PPP1R9A: variants seen among roughly 807,000 people sequenced by gnomAD.
The protein encoded by PPP1R9A is neurabin-1.
A neutral mutation model predicts 141.9 loss-of-function variants in PPP1R9A; 59 were observed. The observed-to-expected ratio is 0.42, with a 90% CI of 0.34 to 0.52. PPP1R9A has a LOEUF of 0.52. Ranked by LOEUF, PPP1R9A falls within the 20% of genes least tolerant of loss-of-function variation. The pLI, the probability that PPP1R9A is intolerant of heterozygous loss-of-function variation, is 0.10. For synonymous variants in PPP1R9A, 500 were observed against 569.7 expected (o/e 0.88, Z 1.74); for missense variants, 1,444 against 1,611.9 (o/e 0.90, Z 1.78).
intron 2 of PPP1R9A, among the ~76,000 whole-genome samples, chr7:95,015,587 T>G (rs767173278): frequency 6.6e-6 from 1 of 152,122 alleles, no homozygotes; most frequent in Non-Finnish European, 1.5e-5. Context: ...TTCATGGACC[T>G]GCTGAATAAT....
chr7:95,122,146 A>ATTTTT (rs1273220292), intron 4 of PPP1R9A, among the ~76,000 whole-genome samples: 43 of 133,906 alleles, frequency 3.2e-4, no homozygotes, highest in African/African-American at 1.0e-3. Flanking sequence ...CCAGAGCACC[A>ATTTTT]TTTTTTTTTT....
At chr7:95,136,490 T>C (rs967042323) in intron 4 of PPP1R9A, among the ~76,000 whole-genome samples, 2 of 152,164 alleles carry the variant, frequency 1.3e-5, no homozygotes, top group Admixed American at 6.5e-5. Flanking sequence ...AGATATAAAG[T>C]TAAAAATGGT....
chr7:94,924,551 C>T (rs933272498), intron 2 of PPP1R9A, among the ~76,000 whole-genome samples: 3 of 152,028 alleles, frequency 2.0e-5, no homozygotes, highest in African/African-American at 4.8e-5. Context: ...TTTTTTGAGA[C>T]GGAGTCTTGC....
At chr7:95,170,008 A>G (rs931014169) in intron 5 of PPP1R9A, among the ~76,000 whole-genome samples, 4 of 150,184 alleles carry the variant, frequency 2.7e-5, no homozygotes, top group Non-Finnish European at 6.0e-5. Context: ...TAAGGTAGCA[A>G]AAGGGCTGAG....
chr7:95,039,251 GA>G (rs1808868866), intron 2 of PPP1R9A, among the ~76,000 whole-genome samples: 1 of 152,122 alleles, frequency 6.6e-6, no homozygotes, highest in African/African-American at 2.4e-5. Flanking sequence ...GGCTATGTAA[GA>G]ATGGAGTCGA....
intron 2 of PPP1R9A, among the ~76,000 whole-genome samples, chr7:95,007,817 A>G (rs1803832027): frequency 6.6e-6 from 1 of 152,200 alleles, no homozygotes; most frequent in Non-Finnish European, 1.5e-5. Flanking sequence ...CACGCCTGTA[A>G]TACCAGCACT....
chr7:95,094,775 G>T (rs1035504149), intron 2 of PPP1R9A, among the ~76,000 whole-genome samples: 6 of 150,494 alleles, frequency 4.0e-5, no homozygotes, highest in Non-Finnish European at 5.9e-5. Context: ...AGCTACTTGG[G>T]AGGCTGAGGC....
chr7:94,980,143 T>A (rs1300836818), intron 2 of PPP1R9A, among the ~76,000 whole-genome samples: 2 of 148,492 alleles, frequency 1.3e-5, no homozygotes, highest in African/African-American at 5.0e-5. Context: ...AGAATCGCCT[T>A]GGGCCACACA....
Position 95,269,473 on chromosome 7 carries a change from C to T in PPP1R9A, c.3090C>T (p.His1030=). 1 of 1,582,660 alleles carries T rather than the reference C, an allele frequency of 6.3e-7. No individual in the cohort carries two copies. Among genetic ancestry groups the T allele is most frequent in the Non-Finnish European group, 8.6e-7 (1 of 1,167,268 alleles). The stretch of plus-strand genomic sequence containing the variant: ...ATGTGGAAGAATCTCCTTGCCATCA[C>T]CAAACCACCAACAAGAAAATATTAC... ...DHDVEESPCH[H]QTTNKKILRE... Residue 1030 remains histidine (H), a synonymous_variant, in exon 14 of 20, where the codon CAC becomes CAT. Coordinates refer to ENST00000433360, the MANE Select transcript of PPP1R9A (RefSeq NM_001166160.2).
At position 95,066,785 on chromosome 7, in the gene PPP1R9A, T is replaced by C. The variant is rs190881711; in HGVS notation, c.1396-44474T>C. On this transcript the variant is annotated intron_variant, in intron 2 of 19. Coordinates refer to ENST00000433360, the MANE Select transcript of PPP1R9A (RefSeq NM_001166160.2). ...GAGAACAGAGGAAAAGGAAGTGAAA[T>C]TATCAAGCAAGTAATACTGAGATTG... 1.9e-3 allele frequency among the ~76,000 whole-genome samples: 294 copies of C among 152,094 alleles called. 2 individuals carry two copies. The highest frequency in any genetic ancestry group is 6.6e-3 in the African/African-American group (275 of 41,468).
chr7:94,954,499 C>A (rs1796852711), intron 2 of PPP1R9A, among the ~76,000 whole-genome samples: 1 of 151,820 alleles, frequency 6.6e-6, no homozygotes, highest in Non-Finnish European at 1.5e-5. Flanking sequence ...TCCTTGAAGG[C>A]CTCTTTTAAA....
At chr7:95,174,410 A>G (rs557166430) in intron 5 of PPP1R9A, among the ~76,000 whole-genome samples, 7 of 152,266 alleles carry the variant, frequency 4.6e-5, no homozygotes, top group African/African-American at 1.7e-4. Flanking sequence ...TGAGGTGATG[A>G]AAATGTTCTA....
chr7:94,996,560 G>A (rs115286508), intron 2 of PPP1R9A, among the ~76,000 whole-genome samples: 2,040 of 152,206 alleles, frequency 0.013, 50 homozygotes, highest in African/African-American at 0.047. Context: ...GCATCTGTGA[G>A]TTATTGTTTT....
rs1801641514 is a variant in PPP1R9A, at chr7:94,992,492, C to T, written c.1395+80984C>T. On this transcript the variant is annotated intron_variant, in intron 2 of 19. Coordinates refer to ENST00000433360, the MANE Select transcript of PPP1R9A (RefSeq NM_001166160.2). Reference sequence around the variant, plus strand: ...CATGCACTTTTCTTTTGGGTAATCACCTAGGAGTGGATCGTATTGTAGGTG... The same window carrying T: ...CATGCACTTTTCTTTTGGGTAATCATCTAGGAGTGGATCGTATTGTAGGTG... Among the ~76,000 whole-genome samples, 3 of 152,216 alleles carry T rather than the reference C, an allele frequency of 2.0e-5. No homozygotes were observed. The South Asian group carries it at 6.2e-4, about 32-fold the overall frequency.
intron 7 of PPP1R9A, among the ~76,000 whole-genome samples, chr7:95,213,320 CTTTTTTTTTTTT>C (rs548473436): frequency 7.7e-6 from 1 of 129,140 alleles, no homozygotes; most frequent in Admixed American, 8.1e-5. Flanking sequence ...CTTTCTCTTT[CTTTTTTTTTTTT>C]TTTTTGGAGA....
chr7:95,111,286 T>G lies in PPP1R9A; in HGVS notation c.1423T>G (p.Tyr475Asp). The part of the protein sequence containing the change: ...KVFNTYSNED[Y>D]DRRNDEVDPV... ...TTTCAACACATACTCCAATGAAGAC[T>G]ATGACAGGAGAAATGACGAAGTTGA... Residue 475 changes from tyrosine (Y) to aspartate (D), a missense_variant, in exon 3 of 20, where the codon TAT becomes GAT. By Grantham distance (160) the Tyr-to-Asp change is radical. This residue lies in a region of PPP1R9A where 488 missense variants were observed against 542.0 expected (regional missense o/e 0.90). Transcript: ENST00000433360. 1 of 1,612,666 alleles carries G rather than the reference T, an allele frequency of 6.2e-7. No individual in the cohort carries two copies. Among genetic ancestry groups the G allele is most frequent in the Non-Finnish European group, 8.5e-7 (1 of 1,179,066 alleles).
At chr7:94,928,907 C>T (rs946287807) in intron 2 of PPP1R9A, among the ~76,000 whole-genome samples, 3 of 152,004 alleles carry the variant, frequency 2.0e-5, no homozygotes, top group Non-Finnish European at 4.4e-5. Flanking sequence ...AAGTTTTTGT[C>T]CCACTTTAAA....
chr7:95,252,097 A>G lies in PPP1R9A; in HGVS notation c.2632A>G (p.Lys878Glu), dbSNP rs1372614984. ...GGATACCATGGAGAACTTGGATGGCAAGCAGACATCTTGCCAAGATGGCCT... is the reference window on the plus strand; with the variant it reads ...GGATACCATGGAGAACTTGGATGGCGAGCAGACATCTTGCCAAGATGGCCT... ...KGDTMENLDG[K>E]QTSCQDGLSQ... Residue 878 changes from lysine (K) to glutamate (E), a missense_variant, in exon 12 of 20, where the codon AAG becomes GAG. Lys to Glu is a moderately conservative substitution (Grantham distance 56). Transcript: ENST00000433360. 6.2e-7 allele frequency: 1 copy of G among 1,604,036 alleles called. No homozygotes were observed. The highest frequency in any genetic ancestry group is 8.5e-7 in the Non-Finnish European group (1 of 1,177,304).
chr7:95,208,298 G>A (rs1166257906), intron 7 of PPP1R9A, among the ~76,000 whole-genome samples: 1 of 152,174 alleles, frequency 6.6e-6, no homozygotes, highest in Non-Finnish European at 1.5e-5. Flanking sequence ...AGAGAATATA[G>A]TGAAGTTGAG....
Sources: allele counts gnomAD v4.1 joint callset (sites outside exome capture counted in the v4.1 genomes callset), GRCh38; gene constraint gnomAD v4.1.1; regional missense constraint gnomAD v4.1.1; transcripts MANE v1.5; gene names NCBI Gene and HGNC (gene_info 2026-07-23, HGNC 2026-07-21).